The following SOX5 variants were observed in gnomAD, a reference collection of about 807,000 sequenced individuals.
The protein encoded by SOX5 is transcription factor SOX-5.
In SOX5, 9 loss-of-function variants were observed where a neutral mutation model predicts 92.0. That is an observed-to-expected ratio of 0.10 (90% CI 0.06 to 0.17). The LOEUF (loss-of-function observed/expected upper bound fraction) is 0.17, where lower values mean the gene tolerates loss of function less well. SOX5 is among the 10% of genes least tolerant of loss of function. The pLI is 1.00. For missense variants in SOX5, 642 were observed against 944.5 expected (o/e 0.68, Z 4.20); for synonymous variants, 344 against 336.3 (o/e 1.02, Z -0.25).
intron 3 of SOX5, among the ~76,000 whole-genome samples, chr12:24,218,186 G>A (rs1007835395): frequency 1.3e-4 from 20 of 152,062 alleles, no homozygotes; most frequent in Admixed American, 1.2e-3. Context: ...TATGTTCAAA[G>A]CAGCATTATT....
intron 4 of SOX5, among the ~76,000 whole-genome samples, chr12:24,086,915 C>T (rs893882881): frequency 1.3e-5 from 2 of 152,030 alleles, no homozygotes; most frequent in African/African-American, 4.8e-5. Flanking sequence ...TTAAATTTGT[C>T]ACAAGTGGTA....
At chr12:24,233,672 G>A (rs1165568211) in intron 3 of SOX5, among the ~76,000 whole-genome samples, 1 of 152,226 alleles carries the variant, frequency 6.6e-6, no homozygotes, top group African/African-American at 2.4e-5. Flanking sequence ...TGAGTTCTCT[G>A]AATTTGGGAC....
chr12:24,338,434 A>G (rs1952162258), intron 2 of SOX5, among the ~76,000 whole-genome samples: 2 of 152,176 alleles, frequency 1.3e-5, no homozygotes, highest in South Asian at 2.1e-4. Context: ...GGGGCGAAAA[A>G]TAAAGTGAAA....
chr12:24,194,917 C>T (rs1225152645), intron 4 of SOX5, among the ~76,000 whole-genome samples: 2 of 152,048 alleles, frequency 1.3e-5, no homozygotes, highest in African/African-American at 2.4e-5. Flanking sequence ...TTTGGAAATC[C>T]CTTTTTTCAA....
chr12:23,979,698 G>GTATTTTT (rs1949312393), intron 4 of SOX5, among the ~76,000 whole-genome samples: 1 of 64,692 alleles, frequency 1.5e-5, no homozygotes, highest in Non-Finnish European at 2.7e-5. Flanking sequence ...ATATATATAT[G>GTATTTTT]TTTTTTTTGT....
intron 1 of SOX5, among the ~76,000 whole-genome samples, chr12:24,512,674 T>C (rs1949430657): frequency 6.6e-6 from 1 of 152,164 alleles, no homozygotes; most frequent in African/African-American, 2.4e-5. Context: ...CTAAACAGAA[T>C]CACCTTGGGC....
chr12:23,728,105 C>T (rs1441409492), intron 6 of SOX5, among the ~76,000 whole-genome samples: 1 of 152,140 alleles, frequency 6.6e-6, no homozygotes, highest in Admixed American at 6.6e-5. Context: ...CTTACGAACC[C>T]TTCAGGGCAG....
chr12:24,557,400 C>CAAAAAA (rs36026440), intron 1 of SOX5, among the ~76,000 whole-genome samples: 1 of 105,544 alleles, frequency 9.5e-6, no homozygotes, highest in Non-Finnish European at 1.7e-5. Context: ...GACTTCATTT[C>CAAAAAA]AAAAAAAAAA....
intron 2 of SOX5, among the ~76,000 whole-genome samples, chr12:24,293,412 G>A (rs1235236898): frequency 1.3e-5 from 2 of 152,112 alleles, no homozygotes; most frequent in African/African-American, 4.8e-5. Flanking sequence ...ACAGTCACCA[G>A]TTAAGTCAGT....
chr12:23,668,655 G>T (rs1415413966), intron 6 of SOX5, among the ~76,000 whole-genome samples: 1 of 152,028 alleles, frequency 6.6e-6, no homozygotes, highest in Non-Finnish European at 1.5e-5. Flanking sequence ...ACTCATTAAA[G>T]TTGAAAATGT....
At chr12:23,792,860 A>G (rs2095501773) in intron 3 of SOX5, among the ~76,000 whole-genome samples, 1 of 152,110 alleles carries the variant, frequency 6.6e-6, no homozygotes. Context: ...CTGGATGAAC[A>G]GAAAGAAATC....
At chr12:24,066,381 TA>T (rs1260313504) in intron 4 of SOX5, among the ~76,000 whole-genome samples, 1 of 152,218 alleles carries the variant, frequency 6.6e-6, no homozygotes, top group Non-Finnish European at 1.5e-5. Context: ...GAAAATATTC[TA>T]TGATAGCTTC....
chr12:24,032,519 A>G (rs781524015), intron 4 of SOX5, among the ~76,000 whole-genome samples: 2 of 151,902 alleles, frequency 1.3e-5, no homozygotes, highest in African/African-American at 2.4e-5. Flanking sequence ...ATTAAAATCT[A>G]TAATTATAGG....
intron 2 of SOX5, among the ~76,000 whole-genome samples, chr12:24,324,994 G>A (rs992819592): frequency 6.6e-6 from 1 of 151,720 alleles, no homozygotes; most frequent in Non-Finnish European, 1.5e-5. Context: ...AAACATATGA[G>A]GCACCAAGAG....
intron 4 of SOX5, among the ~76,000 whole-genome samples, chr12:24,152,154 C>T (rs1299627402): frequency 6.6e-6 from 1 of 152,098 alleles, no homozygotes; most frequent in African/African-American, 2.4e-5. Context: ...GCTTTCATTA[C>T]TATCCTATGT....
rs1446868577 is a variant in SOX5, at chr12:23,994,123, CAAAAACAAAA to C, written c.-1-98109_-1-98100del. Among the ~76,000 whole-genome samples the C allele has an allele frequency of 2.0e-5, 3 of 151,330 alleles. No individual in the cohort carries two copies. In the East Asian group the frequency reaches 5.8e-4, roughly 29 times the overall value. ...GGGCAACAGAGCAAGACCTTGTCTC[CAAAAACAAAA>C]TAAAACAAAAACAAAAACAAGAAAA... On this transcript the variant is annotated intron_variant, in intron 4 of 4. Coordinates refer to the SOX5 transcript ENST00000446891.
chr12:23,678,830 T>A (rs2086117956), intron 6 of SOX5, among the ~76,000 whole-genome samples: 2 of 152,166 alleles, frequency 1.3e-5, no homozygotes, highest in African/African-American at 4.8e-5. Context: ...AGGCTTTTAA[T>A]CACTATACTT....
chr12:23,753,261 G>C (rs991848119), intron 4 of SOX5, among the ~76,000 whole-genome samples: 1 of 151,634 alleles, frequency 6.6e-6, no homozygotes, highest in African/African-American at 2.4e-5. Flanking sequence ...CTAATTCACT[G>C]ATAGGAATTT....
At chr12:24,413,852 T>C (rs1180993477) in intron 1 of SOX5, among the ~76,000 whole-genome samples, 2 of 152,228 alleles carry the variant, frequency 1.3e-5, no homozygotes, top group Admixed American at 6.5e-5. Flanking sequence ...AGTGGCAAAT[T>C]TGAAGGACAC....
Sources: allele counts gnomAD v4.1 joint callset (sites outside exome capture counted in the v4.1 genomes callset), GRCh38; gene constraint gnomAD v4.1.1; transcripts MANE v1.5; gene names NCBI Gene and HGNC (gene_info 2026-07-23, HGNC 2026-07-21).